The following TBC1D19 variants were observed in gnomAD, a reference collection of about 807,000 sequenced individuals.
The protein encoded by TBC1D19 is TBC1 domain family, member 19.
Under a neutral mutation model 89.0 loss-of-function variants are expected in TBC1D19, and 60 were observed. That is an observed-to-expected ratio of 0.67 (90% confidence interval 0.55 to 0.84). The LOEUF (loss-of-function observed/expected upper bound fraction) is 0.84, where lower values mean the gene tolerates loss of function less well. TBC1D19 is among the 40% of genes least tolerant of loss of function. TBC1D19 has a pLI of 0.00. For missense variants in TBC1D19, 500 were observed against 610.8 expected, an observed-to-expected ratio of 0.82 and a Z score of 1.91; for synonymous variants, 189 against 199.7, an observed-to-expected ratio of 0.95 and a Z score of 0.45.
At chr4:26,613,397 G>T (rs1231599250) in intron 2 of TBC1D19, among the ~76,000 whole-genome samples, 156 bp downstream of exon 2, 2 of 152,070 alleles carry the variant, frequency 1.3e-5, no homozygotes, top group African/African-American at 4.8e-5. Flanking sequence ...CATGGTTTTT[G>T]GTTTCTGTCT....
At chr4:26,806,639 A>G in the TBC1D19 span, among the ~76,000 whole-genome samples, 2 of 152,174 alleles carry the variant, frequency 1.3e-5, no homozygotes, top group Non-Finnish European at 2.9e-5. Context: ...TGCCAAATTC[A>G]TGTCCACACA....
At chr4:26,614,296 T>A in intron 2 of TBC1D19, 112 bp from the exon 3 acceptor site, 2 of 739,476 alleles carry the variant, frequency 2.7e-6, no homozygotes, top group Non-Finnish European at 4.3e-6. Context: ...TTGACAAAAT[T>A]CTTTCACAAA....
intron 8 of TBC1D19, among the ~76,000 whole-genome samples, chr4:26,662,092 GGGGACAT>G (rs1172739439): frequency 6.6e-6 from 1 of 152,084 alleles, no homozygotes; most frequent in Non-Finnish European, 1.5e-5. Context: ...GCAATATAGT[GGGGACAT>G]TTCTCTTAGA....
the TBC1D19 span, among the ~76,000 whole-genome samples, chr4:26,787,819 C>T: frequency 6.6e-6 from 1 of 152,292 alleles, no homozygotes; most frequent in East Asian, 1.9e-4. Flanking sequence ...AAGCTCCTGG[C>T]TTCTTACAGT....
intron 7 of TBC1D19, 71 bp downstream of exon 7, chr4:26,640,258 T>C (rs980871345): frequency 1.8e-5 from 23 of 1,283,530 alleles, no homozygotes; most frequent in Non-Finnish European, 2.4e-5. Flanking sequence ...TGTAAAAATA[T>C]ATCAAGGCAG....
At chr4:26,666,458 G>A in intron 9 of TBC1D19, 53 bp downstream of exon 9, 2 of 1,424,050 alleles carry the variant, frequency 1.4e-6, no homozygotes, top group Admixed American at 1.9e-5. Context: ...GTGAGCCTAA[G>A]GTTTATATTG....
Position 26,718,029 on chromosome 4 carries a change from A to T in TBC1D19, c.1039+12A>T. ...ATCATACATAAGAGGTAAATTTTTAATAATTTTAAGGAAGTATTAAGACTT... is the reference window on the plus strand; with the variant it reads ...ATCATACATAAGAGGTAAATTTTTATTAATTTTAAGGAAGTATTAAGACTT... On this transcript the variant is annotated intron_variant, in intron 14 of 20. Transcript: ENST00000264866. 1 of 1,597,992 alleles carries T rather than the reference A, an allele frequency of 6.3e-7. No individual in the cohort carries two copies. The highest frequency in any genetic ancestry group is 8.6e-7 in the Non-Finnish European group (1 of 1,167,788).
chr4:26,804,092 CAA>C, the TBC1D19 span, among the ~76,000 whole-genome samples: 3 of 138,638 alleles, frequency 2.2e-5, no homozygotes, highest in Non-Finnish European at 3.2e-5. Context: ...GAAACAGAAA[CAA>C]AAAAAAAAAG....
intron 7 of TBC1D19, among the ~76,000 whole-genome samples, chr4:26,655,293 C>T (rs537651842): frequency 1.3e-5 from 2 of 152,330 alleles, no homozygotes; most frequent in African/African-American, 4.8e-5. Flanking sequence ...CTGGGGCGTG[C>T]CTCCCAGTTA....
chr4:26,673,515 G>C (rs1160465363), intron 10 of TBC1D19, among the ~76,000 whole-genome samples: 1 of 146,752 alleles, frequency 6.8e-6, no homozygotes, highest in Non-Finnish European at 1.5e-5. Context: ...TTAAAGCAAA[G>C]TGATCTCAAA....
At chr4:26,686,927 T>G (rs1399924483) in intron 12 of TBC1D19, among the ~76,000 whole-genome samples, 1 of 152,192 alleles carries the variant, frequency 6.6e-6, no homozygotes, top group African/African-American at 2.4e-5. Context: ...CATGGATTTT[T>G]GTAACATTTC....
the TBC1D19 span, among the ~76,000 whole-genome samples, chr4:26,832,947 T>C: frequency 6.6e-6 from 1 of 152,104 alleles, no homozygotes; most frequent in Non-Finnish European, 1.5e-5. Context: ...TGAGCCGAGA[T>C]TGAGCTACCG....
intron 15 of TBC1D19, among the ~76,000 whole-genome samples, chr4:26,734,985 T>TATGCGTATACAC (rs1560503832): frequency 1.1e-3 from 170 of 150,752 alleles, no homozygotes; most frequent in African/African-American, 4.0e-3. Flanking sequence ...CACATATGTA[T>TATGCGTATACAC]ATGTATATAT....
At chr4:26,817,981 A>AAATAT in the TBC1D19 span, among the ~76,000 whole-genome samples, 93 of 126,050 alleles carry the variant, frequency 7.4e-4, no homozygotes, top group African/African-American at 3.1e-3. Context: ...AAAAAAAAAA[A>AAATAT]ATATATATAT....
At position 26,697,370 on chromosome 4, in the gene TBC1D19, A is replaced by G. The variant is rs192950697; in HGVS notation, c.954+8963A>G. 2.2e-3 allele frequency among the ~76,000 whole-genome samples: 336 copies of G among 152,304 alleles called. 1 individual carries two copies. Among genetic ancestry groups the G allele is most frequent in the Middle Eastern group, 0.017 (5 of 294 alleles). ...GGCTCTGGAATTGAGGCAATAAGTA[A>G]TGGCCTACCAACCAAAAGAAGTCCA... On this transcript the variant is annotated intron_variant, in intron 13 of 20. Transcript: ENST00000264866.
the TBC1D19 span, among the ~76,000 whole-genome samples, chr4:26,825,187 C>T: frequency 6.6e-6 from 1 of 151,944 alleles, no homozygotes; most frequent in Non-Finnish European, 1.5e-5. Context: ...CAACCTCCAG[C>T]TCCCTGGTTC....
At chr4:26,596,166 A>T (rs1740196466) in intron 1 of TBC1D19, among the ~76,000 whole-genome samples, 1 of 152,070 alleles carries the variant, frequency 6.6e-6, no homozygotes, top group African/African-American at 2.4e-5. Flanking sequence ...CATGTTGGCC[A>T]GGCTGGTCTC....
At chr4:26,828,195 C>A in the TBC1D19 span, among the ~76,000 whole-genome samples, 1 of 152,268 alleles carries the variant, frequency 6.6e-6, no homozygotes, top group East Asian at 1.9e-4. Context: ...ACAAGGGATG[C>A]CCATTCTGAT....
Position 26,659,686 on chromosome 4 carries a change from A to G in TBC1D19, c.570A>G (p.Lys190=). Residue 190 remains lysine (K), a synonymous_variant, in exon 8 of 21, where the codon AAA becomes AAG. Transcript: ENST00000264866. ...TGGGTTTAATTCAAGTTCCACTGAA[A>G]GTAAAAGACATCCCTGAATTGGTAA... is the stretch of plus-strand genomic sequence containing the variant. ...THLGLIQVPL[K]VKDIPELKEC... 1 of 1,583,750 alleles carries G rather than the reference A, an allele frequency of 6.3e-7. No homozygotes were observed. The highest frequency in any genetic ancestry group is 8.6e-7 in the Non-Finnish European group (1 of 1,158,620).
Sources: gnomAD v4.1 joint callset for allele counts (sites outside exome capture counted in the v4.1 genomes callset) on GRCh38, gnomAD v4.1.1 for gene constraint, MANE v1.5 for transcripts, NCBI Gene and HGNC (gene_info 2026-07-23, HGNC 2026-07-21) for gene names.